The following CIMAP2 variants were observed in gnomAD, a reference collection of about 807,000 sequenced individuals.
CIMAP2 encodes ciliary microtubule associated protein 2.
chr1:54,813,851 T>C, the CIMAP2 span: 1 of 1,612,722 alleles, frequency 6.2e-7, no homozygotes, highest in Non-Finnish European at 8.5e-7. Context: ...TTCAAGAGCT[T>C]TGTAGAAGAA....
the CIMAP2 span, among the ~76,000 whole-genome samples, chr1:54,825,921 C>A: frequency 6.6e-6 from 1 of 151,498 alleles, no homozygotes; most frequent in Non-Finnish European, 1.5e-5. Context: ...GCTGAGTAGG[C>A]AGGTCCCTGG....
chr1:54,820,115 T>TC, the CIMAP2 span, among the ~76,000 whole-genome samples: 13 of 6,976 alleles, frequency 1.9e-3, no homozygotes, highest in African/African-American at 3.0e-3. Context: ...TCTCTCTCTC[T>TC]TTCTTTCTTT....
At chr1:54,811,765 G>GCGGGGGGGGGCGGCCCCCCCC in the CIMAP2 span, 1 of 1,301,332 alleles carries the variant, frequency 7.7e-7, no homozygotes, top group Non-Finnish European at 1.1e-6. Flanking sequence ...GGTTCTGACA[G>GCGGGGGGGGGCGGCCCCCCCC]CCTCCATGCC....
chr1:54,821,927 C>G, the CIMAP2 span, among the ~76,000 whole-genome samples: 1 of 66,308 alleles, frequency 1.5e-5, no homozygotes, highest in East Asian at 7.6e-4. Flanking sequence ...GAGACGGAGT[C>G]TCGCTCTGTC....
chr1:54,839,703 C>T, the CIMAP2 span, among the ~76,000 whole-genome samples: 1 of 151,328 alleles, frequency 6.6e-6, no homozygotes, highest in Non-Finnish European at 1.5e-5. Flanking sequence ...TATAGCATAA[C>T]TCACATGCAG....
chr1:54,817,798 G>A, the CIMAP2 span, among the ~76,000 whole-genome samples: 1 of 151,686 alleles, frequency 6.6e-6, no homozygotes, highest in Non-Finnish European at 1.5e-5. Flanking sequence ...GGAGAAATCA[G>A]CTTTTAAATG....
At chr1:54,809,595 A>T in the CIMAP2 span, among the ~76,000 whole-genome samples, 1 of 152,194 alleles carries the variant, frequency 6.6e-6, no homozygotes, top group South Asian at 2.1e-4. Flanking sequence ...GCCCAAGGTC[A>T]TGAAGCTACC....
chr1:54,815,582 G>C, the CIMAP2 span, among the ~76,000 whole-genome samples: 1 of 152,126 alleles, frequency 6.6e-6, no homozygotes, highest in Non-Finnish European at 1.5e-5. Flanking sequence ...TCCAGAGGCA[G>C]CCATCCCCAA....
the CIMAP2 span, chr1:54,807,486 C>T: frequency 1.3e-3 from 1,856 of 1,457,990 alleles, 22 homozygotes; most frequent in African/African-American, 0.023. Context: ...GTAGACTGGG[C>T]GGGCGTGGCT....
At chr1:54,821,403 T>C in the CIMAP2 span, among the ~76,000 whole-genome samples, 3 of 152,208 alleles carry the variant, frequency 2.0e-5, no homozygotes, top group Non-Finnish European at 2.9e-5. Context: ...TTGATTTTTA[T>C]ATATAGTGAG....
chr1:54,828,189 A>C, the CIMAP2 span, among the ~76,000 whole-genome samples: 1 of 152,370 alleles, frequency 6.6e-6, no homozygotes, highest in South Asian at 2.1e-4. Context: ...GTTTACTAAA[A>C]AATTCCAAGA....
chr1:54,806,219 A>T, the CIMAP2 span: 1 of 1,528,460 alleles, frequency 6.5e-7, no homozygotes, highest in Non-Finnish European at 8.8e-7. Flanking sequence ...GCAGAGCCAC[A>T]GGTGGGGCCC....
the CIMAP2 span, among the ~76,000 whole-genome samples, chr1:54,840,963 C>T: frequency 2.0e-5 from 3 of 151,992 alleles, no homozygotes; most frequent in East Asian, 3.9e-4. Flanking sequence ...TGGACTGTTG[C>T]GGGGATAGAG....
At chr1:54,807,336 TGATAGAGGATGTCAC>T in the CIMAP2 span, among the ~76,000 whole-genome samples, 28 of 152,242 alleles carry the variant, frequency 1.8e-4, no homozygotes, top group African/African-American at 5.5e-4. Flanking sequence ...GAGGGGGCAG[TGATAGAGGATGTCAC>T]GATTGCACCT....
the CIMAP2 span, among the ~76,000 whole-genome samples, chr1:54,840,198 G>C: frequency 2.0e-5 from 3 of 152,172 alleles, no homozygotes; most frequent in African/African-American, 7.2e-5. Flanking sequence ...CTGGAGTTTT[G>C]CCTTTTCCAG....
chr1:54,841,893 C>T, the CIMAP2 span: 1 of 1,548,746 alleles, frequency 6.5e-7, no homozygotes, highest in South Asian at 1.2e-5. Flanking sequence ...CGAAGGACAG[C>T]CTGCAGTGAC....
chr1:54,840,325 T>G, the CIMAP2 span, among the ~76,000 whole-genome samples: 1 of 152,260 alleles, frequency 6.6e-6, no homozygotes, highest in Non-Finnish European at 1.5e-5. Context: ...TTTGTTCCTT[T>G]TCAATGCTGA....
chr1:54,836,208 G>A, the CIMAP2 span, among the ~76,000 whole-genome samples: 2 of 151,886 alleles, frequency 1.3e-5, no homozygotes, highest in Admixed American at 6.6e-5. Context: ...GGGAGAGAAG[G>A]CCCTACTTTT....
At chr1:54,822,621 A>C in the CIMAP2 span, among the ~76,000 whole-genome samples, 2 of 152,124 alleles carry the variant, frequency 1.3e-5, no homozygotes, top group Admixed American at 1.3e-4. Flanking sequence ...CTCCCACCTC[A>C]GCCTCCTGAG....
Sources: allele counts gnomAD v4.1 joint callset (sites outside exome capture counted in the v4.1 genomes callset), GRCh38; gene constraint gnomAD v4.1.1; transcripts MANE v1.5; gene names NCBI Gene and HGNC (gene_info 2026-07-23, HGNC 2026-07-21).